RNF13: variants seen among roughly 807,000 people sequenced by gnomAD.
RNF13 encodes the protein ring finger protein 13.
RNF13 carries 19 observed loss-of-function variants against 37.7 expected under a neutral mutation model. The ratio of observed to expected loss-of-function variants is 0.50; its 90% CI spans 0.35 to 0.74. The LOEUF (loss-of-function observed/expected upper bound fraction) is 0.74. RNF13 is among the 30% of genes least tolerant of loss of function. RNF13 has a pLI of 0.01. For synonymous variants in RNF13, 144 were observed against 157.8 expected, an observed-to-expected ratio of 0.91 and a Z score of 0.65; for missense variants, 375 against 453.0, an observed-to-expected ratio of 0.83 and a Z score of 1.56.
intron 4 of RNF13, among the ~76,000 whole-genome samples, chr3:149,879,054 A>G (rs140335314): frequency 1.6e-4 from 24 of 152,304 alleles, no homozygotes; most frequent in Non-Finnish European, 2.8e-4. Flanking sequence ...ATTTATAACT[A>G]GAAGTTTGAA....
chr3:149,825,207 T>C (rs1012983771), intron 1 of RNF13, among the ~76,000 whole-genome samples: 5 of 151,172 alleles, frequency 3.3e-5, no homozygotes, highest in African/African-American at 1.2e-4. Flanking sequence ...GGCTTAGTCT[T>C]GCTCTGTTGC....
intron 8 of RNF13, among the ~76,000 whole-genome samples, chr3:149,951,083 C>T (rs1721281981): frequency 6.6e-6 from 1 of 152,108 alleles, no homozygotes; most frequent in South Asian, 2.1e-4. Flanking sequence ...GGTAGAGCTT[C>T]AGGAGGTAAA....
intron 3 of RNF13, among the ~76,000 whole-genome samples, chr3:149,860,273 AT>A (rs59134340): frequency 0.063 from 5,815 of 92,120 alleles, 258 homozygotes; most frequent in Admixed American, 0.08. Flanking sequence ...AAAAAAAAAT[AT>A]ATATATATAT....
At chr3:149,911,885 G>A in intron 6 of RNF13, 93 bp from the exon 7 acceptor site, 1 of 724,032 alleles carries the variant, frequency 1.4e-6, no homozygotes, top group Non-Finnish European at 2.5e-6. Flanking sequence ...ATGTCTATAT[G>A]TCTGTTTTTA....
At chr3:149,954,009 C>T (rs547614494) in intron 8 of RNF13, among the ~76,000 whole-genome samples, 2 of 152,200 alleles carry the variant, frequency 1.3e-5, no homozygotes, top group South Asian at 2.1e-4. Context: ...CTGCCAAAAT[C>T]GTGAAGCAGT....
In RNF13 at chr3:149,940,774, T is replaced by C. The variant is rs1720170781; in HGVS notation, c.701-19282T>C. Among the ~76,000 whole-genome samples the C allele has an allele frequency of 1.3e-5, 2 of 152,210 alleles. 1 individual carries two copies. Among genetic ancestry groups the C allele is most frequent in the South Asian group, 4.1e-4 (2 of 4,834 alleles). On this transcript the variant is annotated intron_variant, in intron 8 of 9. Coordinates refer to ENST00000392894, the MANE Select transcript of RNF13 (RefSeq NM_183381.3). Reference sequence around the variant, plus strand: ...ATAGTGTTAAGTATATTTACATTATTGTGCAACCAATCTCTAGAATTTTTT... The same window carrying C: ...ATAGTGTTAAGTATATTTACATTATCGTGCAACCAATCTCTAGAATTTTTT...
At chr3:149,872,828 G>A (rs926625518) in intron 4 of RNF13, among the ~76,000 whole-genome samples, 5 of 152,144 alleles carry the variant, frequency 3.3e-5, no homozygotes, top group African/African-American at 1.2e-4. Flanking sequence ...AAGAAAAACC[G>A]CCCTGTCATG....
chr3:149,860,914 G>T (rs1044881328), intron 3 of RNF13, among the ~76,000 whole-genome samples: 1 of 151,930 alleles, frequency 6.6e-6, no homozygotes, highest in Admixed American at 6.6e-5. Flanking sequence ...CATCTCAGCA[G>T]CAAAAAGACA....
At chr3:149,832,839 T>G (rs1010364779) in intron 1 of RNF13, among the ~76,000 whole-genome samples, 2 of 151,832 alleles carry the variant, frequency 1.3e-5, no homozygotes, top group African/African-American at 4.8e-5. Context: ...CATGAAAAAA[T>G]AGAAAGCTTG....
chr3:149,834,022 A>G lies in RNF13; in HGVS notation c.-16-11989A>G, dbSNP rs141640086. ...AATTAAGAAAACAATTCCATTTACA[A>G]TATCAACAAAAATAAAATAGTAATA... On this transcript the variant is annotated intron_variant, in intron 1 of 9. Transcript: ENST00000392894. 4.3e-4 allele frequency among the ~76,000 whole-genome samples: 66 copies of G among 152,342 alleles called. No homozygotes were observed. The East Asian group carries it at 0.013, about 29-fold the overall frequency.
At chr3:149,954,359 A>T (rs1053363975) in intron 8 of RNF13, among the ~76,000 whole-genome samples, 48 of 152,164 alleles carry the variant, frequency 3.2e-4, no homozygotes, top group Non-Finnish European at 1.5e-4. Context: ...CTTAGAATGT[A>T]GTGAAAATGT....
chr3:149,853,883 C>CAGATTG (rs1264801687), intron 3 of RNF13, among the ~76,000 whole-genome samples: 4 of 140,892 alleles, frequency 2.8e-5, no homozygotes, highest in African/African-American at 1.1e-4. Context: ...GTTGCCCAGA[C>CAGATTG]TGGAGCACAG....
intron 3 of RNF13, 130 bp downstream of exon 3, chr3:149,852,726 A>G (rs1723224341): frequency 2.3e-6 from 1 of 431,786 alleles, no homozygotes; most frequent in African/African-American, 2.1e-5. Context: ...GTCATTTGTA[A>G]AGGGTCAGAT....
chr3:149,848,276 T>C (rs1418830868), intron 2 of RNF13, among the ~76,000 whole-genome samples: 1 of 152,180 alleles, frequency 6.6e-6, no homozygotes, highest in African/African-American at 2.4e-5. Flanking sequence ...ACACAGGTAC[T>C]TGTGGAATGT....
chr3:149,825,206 T>G (rs1265998677), intron 1 of RNF13, among the ~76,000 whole-genome samples: 1 of 151,328 alleles, frequency 6.6e-6, no homozygotes, highest in Non-Finnish European at 1.5e-5. Flanking sequence ...AGGCTTAGTC[T>G]TGCTCTGTTG....
At position 149,936,160 on chromosome 3, in the gene RNF13, C is replaced by T. The variant is rs954893306; in HGVS notation, c.700+14933C>T. ...CTTCTTTTTTTTCTGCTTTTATGCT[C>T]CTCTTTTTGTTTTTGACCTTTGAGA... is the stretch of plus-strand genomic sequence containing the variant. On this transcript the variant is annotated intron_variant, in intron 8 of 9. Transcript: ENST00000392894. 4.2e-4 allele frequency among the ~76,000 whole-genome samples: 63 copies of T among 151,386 alleles called. 1 individual carries two copies. Among genetic ancestry groups the T allele is most frequent in the Non-Finnish European group, 5.9e-5 (4 of 67,900 alleles).
chr3:149,839,999 C>G (rs1453732304), intron 1 of RNF13, among the ~76,000 whole-genome samples: 8 of 152,070 alleles, frequency 5.3e-5, no homozygotes, highest in Non-Finnish European at 1.0e-4. Context: ...AGACACCCAT[C>G]TTGTGGTATC....
intron 5 of RNF13, among the ~76,000 whole-genome samples, chr3:149,899,249 C>T (rs1715570278): frequency 6.6e-6 from 1 of 152,096 alleles, no homozygotes; most frequent in South Asian, 2.1e-4. Flanking sequence ...AGTTCAAGAC[C>T]AACCTTGGCA....
At chr3:149,882,269 T>G (rs1576815764) in intron 4 of RNF13, among the ~76,000 whole-genome samples, 1 of 131,544 alleles carries the variant, frequency 7.6e-6, no homozygotes, top group South Asian at 2.5e-4. Flanking sequence ...ATTTCCTGTG[T>G]GCTTTCGTGG....
Sources: allele counts gnomAD v4.1 joint callset (sites outside exome capture counted in the v4.1 genomes callset), GRCh38; gene constraint gnomAD v4.1.1; transcripts MANE v1.5; gene names NCBI Gene and HGNC (gene_info 2026-07-23, HGNC 2026-07-21).